PRUNE2: variants seen among roughly 807,000 people sequenced by gnomAD.
The protein encoded by PRUNE2 is prune homolog 2 with BCH domain.
PRUNE2 carries 164 observed loss-of-function variants against 252.0 expected under a neutral mutation model. The observed-to-expected ratio is 0.65, with a 90% CI of 0.57 to 0.74. PRUNE2 has a LOEUF of 0.74. Among genes scored for constraint, PRUNE2 ranks in the 30% least tolerant of loss-of-function variants. The pLI is 0.00. For missense variants in PRUNE2, 3,495 were observed against 3,711.0 expected (o/e 0.94, Z 1.51); for synonymous variants, 1,292 against 1,350.2 (o/e 0.96, Z 0.94).
In PRUNE2 at chr9:76,705,113, C is replaced by T; in HGVS notation, c.7161G>A (p.Gln2387=). 1 of 1,614,022 alleles carries T rather than the reference C, an allele frequency of 6.2e-7. No homozygotes were observed. The highest frequency in any genetic ancestry group is 8.5e-7 in the Non-Finnish European group (1 of 1,179,894). Residue 2387 remains glutamine, a synonymous_variant, in exon 8 of 19, where the codon CAG becomes CAA. Coordinates refer to ENST00000376718, the MANE Select transcript of PRUNE2 (RefSeq NM_015225.3). ...DPPLEEDSLK[Q]SLAPYTPPFD... is the part of the protein sequence containing the mutation. ...AGGGAGGTGTGTACGGTGCCAGCGA[C>T]TGCTTCAGAGAATCTTCCTCCAAAG...
intron 6 of PRUNE2, among the ~76,000 whole-genome samples, chr9:76,729,313 A>G (rs1564167124): frequency 6.6e-6 from 1 of 152,216 alleles, no homozygotes; most frequent in Non-Finnish European, 1.5e-5. Flanking sequence ...TTTCTGATTC[A>G]GTAGGTCTGG....
At position 76,820,223 on chromosome 9, in the gene PRUNE2, T is replaced by C. The variant is rs193147567; in HGVS notation, c.756+3409A>G. 6.6e-5 allele frequency among the ~76,000 whole-genome samples: 10 copies of C among 152,344 alleles called. No homozygotes were observed. In the East Asian group the frequency reaches 1.2e-3, roughly 18 times the overall value. On this transcript the variant is annotated intron_variant, in intron 6 of 18. Coordinates refer to ENST00000376718, the MANE Select transcript of PRUNE2 (RefSeq NM_015225.3). ...ACACCGCCCCTCAAAATCTCATCCA[T>C]TCTGACTTCCTGTACTGAGCAAAGC...
intron 4 of PRUNE2, among the ~76,000 whole-genome samples, chr9:76,840,157 A>C (rs75896946): frequency 7.9e-6 from 1 of 126,688 alleles, no homozygotes. Context: ...TAAAGATAGC[A>C]AAAAAAGAGA....
At chr9:76,702,815 A>C (rs1383053836) in intron 9 of PRUNE2, among the ~76,000 whole-genome samples, 2 of 152,188 alleles carry the variant, frequency 1.3e-5, no homozygotes, top group African/African-American at 4.8e-5. Flanking sequence ...CGGTGTGTCA[A>C]CTGAGAAAGT....
chr9:76,801,921 A>G (rs73460288), intron 6 of PRUNE2, among the ~76,000 whole-genome samples: 5,045 of 152,244 alleles, frequency 0.033, 80 homozygotes, highest in East Asian at 0.067. Context: ...GGATTGTAGC[A>G]ATGTATTCTT....
At chr9:76,787,795 C>T (rs2055147938) in intron 6 of PRUNE2, among the ~76,000 whole-genome samples, 1 of 152,174 alleles carries the variant, frequency 6.6e-6, no homozygotes, top group East Asian at 1.9e-4. Context: ...CCTCTCCAAT[C>T]CCGCCTCCCA....
At chr9:76,810,234 C>T (rs1381765959) in intron 6 of PRUNE2, among the ~76,000 whole-genome samples, 1 of 152,154 alleles carries the variant, frequency 6.6e-6, no homozygotes, top group Non-Finnish European at 1.5e-5. Flanking sequence ...CTAGAAGAGT[C>T]TTCTAAAGTT....
At position 76,850,460 on chromosome 9, in the gene PRUNE2, T is replaced by C. The variant is rs1309695147; in HGVS notation, c.344+3A>G. 6.8e-6 allele frequency: 11 copies of C among 1,611,968 alleles called. No homozygotes were observed. The East Asian group carries it at 8.9e-5, about 13-fold the overall frequency. ...AACCTCAGAGCTTCACAGTGGATCT[T>C]ACCTCGCCAGCACACTGCTGCCAAC... On this transcript the variant is annotated splice_donor_region_variant and intron_variant, in intron 3 of 18. Transcript: ENST00000376718.
At position 76,886,353 on chromosome 9, in the gene PRUNE2, G is replaced by T. The variant is rs115309922; in HGVS notation, c.36+19575C>A. Reference sequence around the variant, plus strand: ...ACTGAACTTGACATTCTAATTCCACGACCCTTGTTCTTTTCCTTTCACCTT... The same window carrying T: ...ACTGAACTTGACATTCTAATTCCACTACCCTTGTTCTTTTCCTTTCACCTT... On this transcript the variant is annotated intron_variant, in intron 1 of 18. Transcript: ENST00000376718. Among the ~76,000 whole-genome samples, 264 of 152,184 alleles carry T rather than the reference G, an allele frequency of 1.7e-3. 1 individual carries two copies. Among genetic ancestry groups the T allele is most frequent in the African/African-American group, 6.0e-3 (250 of 41,496 alleles).
intron 9 of PRUNE2, among the ~76,000 whole-genome samples, chr9:76,662,201 T>C (rs10869793): frequency 0.2 from 30,292 of 152,130 alleles, 3,087 homozygotes; most frequent in East Asian, 0.27. Context: ...AGAAACATGC[T>C]CTTAGGTGAC....
chr9:76,830,849 G>A (rs2132100437), intron 4 of PRUNE2, among the ~76,000 whole-genome samples: 1 of 151,736 alleles, frequency 6.6e-6, no homozygotes, highest in Non-Finnish European at 1.5e-5. Flanking sequence ...AATGATGAAA[G>A]TCTAAAGACA....
chr9:76,739,758 G>A (rs1011589212), intron 6 of PRUNE2: 1 of 152,108 alleles, frequency 6.6e-6, no homozygotes, highest in African/African-American at 2.4e-5. Context: ...AATTGTAGAT[G>A]GGGGACTACA....
chr9:76,718,171 A>T (rs1016859300), intron 6 of PRUNE2, among the ~76,000 whole-genome samples: 2 of 152,244 alleles, frequency 1.3e-5, no homozygotes, highest in African/African-American at 4.8e-5. Flanking sequence ...GAAACCTTTC[A>T]TTCTCACAAT....
At chr9:76,722,147 C>T (rs750910341) in intron 6 of PRUNE2, among the ~76,000 whole-genome samples, 2 of 151,164 alleles carry the variant, frequency 1.3e-5, no homozygotes, top group Non-Finnish European at 3.0e-5. Context: ...CAACCACTAC[C>T]TCCCAGGTTC....
chr9:76,899,255 T>C (rs766460592), intron 1 of PRUNE2, among the ~76,000 whole-genome samples: 4 of 152,234 alleles, frequency 2.6e-5, no homozygotes, highest in Non-Finnish European at 4.4e-5. Context: ...CAGAGGCTTT[T>C]AGTGCCCCAT....
intron 9 of PRUNE2, among the ~76,000 whole-genome samples, chr9:76,660,781 CAAAAAAAAAAA>C (rs11432174): frequency 2.0e-5 from 2 of 101,042 alleles, no homozygotes; most frequent in Non-Finnish European, 3.8e-5. Flanking sequence ...GACTCTGAAT[CAAAAAAAAAAA>C]AAAAAAAAAG....
chr9:76,745,458 T>G (rs1387488384), intron 6 of PRUNE2, among the ~76,000 whole-genome samples: 1 of 152,112 alleles, frequency 6.6e-6, no homozygotes, highest in Admixed American at 6.5e-5. Flanking sequence ...CTTTTCAGGT[T>G]TTCTGCAAGT....
chr9:76,854,050 T>C, intron 2 of PRUNE2, 54 bp downstream of exon 2: 1 of 893,358 alleles, frequency 1.1e-6, no homozygotes, highest in South Asian at 1.7e-5. Flanking sequence ...TGTTTATTCT[T>C]AAAAGTTACA....
chr9:76,784,333 G>A (rs1395590116), intron 6 of PRUNE2: 3 of 152,162 alleles, frequency 2.0e-5, no homozygotes, highest in Non-Finnish European at 2.9e-5. Context: ...GAAAACAGAC[G>A]AGAAAATCTT....
Sources: allele counts gnomAD v4.1 joint callset (sites outside exome capture counted in the v4.1 genomes callset), GRCh38; gene constraint gnomAD v4.1.1; transcripts MANE v1.5; gene names NCBI Gene and HGNC (gene_info 2026-07-23, HGNC 2026-07-21).